RSRC1: variants seen among roughly 807,000 people sequenced by gnomAD.
The protein encoded by RSRC1 is serine/Arginine-related protein 53.
In RSRC1, 39 loss-of-function variants were observed where a neutral mutation model predicts 49.1. The ratio of observed to expected loss-of-function variants is 0.79; its 90% CI spans 0.61 to 1.04. The LOEUF is 1.04. RSRC1 is among the 50% of genes least tolerant of loss of function. The pLI, the probability that RSRC1 is intolerant of heterozygous loss-of-function variation, is 0.00. For missense variants in RSRC1, 388 were observed against 402.4 expected (o/e 0.96, Z 0.31); for synonymous variants, 143 against 130.8 (o/e 1.09, Z -0.63).
chr3:158,358,862 T>A (rs899200182), intron 6 of RSRC1, among the ~76,000 whole-genome samples: 12 of 152,058 alleles, frequency 7.9e-5, no homozygotes, highest in Admixed American at 6.6e-4. Flanking sequence ...TGTGACCTTG[T>A]GTGTCTGGCT....
intron 3 of RSRC1, among the ~76,000 whole-genome samples, chr3:158,193,276 T>C (rs1720348465): frequency 6.6e-6 from 1 of 152,078 alleles, no homozygotes; most frequent in African/African-American, 2.4e-5. Flanking sequence ...AACAGATACA[T>C]TTAGTTTTAA....
intron 4 of RSRC1, among the ~76,000 whole-genome samples, chr3:158,234,689 T>C (rs1723145492): frequency 6.6e-6 from 1 of 152,156 alleles, no homozygotes; most frequent in African/African-American, 2.4e-5. Flanking sequence ...CTTCTCCCTG[T>C]TCCTCTTTTC....
intron 3 of RSRC1, among the ~76,000 whole-genome samples, chr3:158,163,362 T>G (rs1209052314): frequency 1.3e-5 from 2 of 152,150 alleles, no homozygotes; most frequent in Non-Finnish European, 2.9e-5. Flanking sequence ...GAGAATTTAA[T>G]GATTCCCATT....
chr3:158,338,210 CT>C (rs11332968), intron 5 of RSRC1, among the ~76,000 whole-genome samples: 11,053 of 146,796 alleles, frequency 0.075, 1,370 homozygotes, highest in African/African-American at 0.26. Context: ...TATAACTTTG[CT>C]TTTTTTTTTT....
intron 6 of RSRC1, among the ~76,000 whole-genome samples, chr3:158,398,704 A>T (rs903540881): frequency 1.3e-5 from 2 of 152,134 alleles, no homozygotes; most frequent in African/African-American, 4.8e-5. Flanking sequence ...GCTATAATCT[A>T]TAGTAGCTAT....
intron 6 of RSRC1, among the ~76,000 whole-genome samples, chr3:158,413,797 G>T (rs1376963803): frequency 1.3e-5 from 2 of 152,078 alleles, no homozygotes; most frequent in Non-Finnish European, 2.9e-5. Flanking sequence ...ACCATCTCAT[G>T]CCAATCAAAA....
intron 5 of RSRC1, among the ~76,000 whole-genome samples, chr3:158,318,332 T>C (rs1728581685): frequency 6.6e-6 from 1 of 152,192 alleles, no homozygotes; most frequent in African/African-American, 2.4e-5. Flanking sequence ...TATTATGGCG[T>C]TCAGGACCAT....
At chr3:158,264,780 C>T (rs764195129) in intron 4 of RSRC1, among the ~76,000 whole-genome samples, 31 of 152,128 alleles carry the variant, frequency 2.0e-4, no homozygotes, top group Non-Finnish European at 4.3e-4. Context: ...CTAACCATTC[C>T]CCACAACTGA....
chr3:158,488,994 G>T (rs1978781), intron 7 of RSRC1, among the ~76,000 whole-genome samples: 79,119 of 152,018 alleles, frequency 0.52, 21,137 homozygotes, highest in African/African-American at 0.64. Flanking sequence ...TACTGAAGTT[G>T]TGTTGTAATA....
At chr3:158,286,016 T>C (rs981964364) in intron 4 of RSRC1, among the ~76,000 whole-genome samples, 1 of 152,136 alleles carries the variant, frequency 6.6e-6, no homozygotes, top group Non-Finnish European at 1.5e-5. Flanking sequence ...TACTGTGCAC[T>C]ATAAAATTTT....
Position 158,141,144 on chromosome 3 carries a change from G to A in RSRC1, c.320+17153G>A, listed in dbSNP as rs115994313. On this transcript the variant is annotated intron_variant, in intron 3 of 9. Transcript: ENST00000611884. ...AGTCTAAGAATGGACCTTCAGATGA[G>A]GTGTGAATGAATTATAGCCAATAAT... 5.5e-3 allele frequency among the ~76,000 whole-genome samples: 841 copies of A among 152,290 alleles called. 8 individuals are homozygous for A. Among genetic ancestry groups the A allele is most frequent in the African/African-American group, 0.019 (804 of 41,558 alleles).
At chr3:158,285,161 C>T (rs1726441682) in intron 4 of RSRC1, among the ~76,000 whole-genome samples, 1 of 152,140 alleles carries the variant, frequency 6.6e-6, no homozygotes, top group Non-Finnish European at 1.5e-5. Flanking sequence ...ATCCTTTCCC[C>T]ATTGCTTGTT....
At chr3:158,411,008 T>C in intron 6 of RSRC1, among the ~76,000 whole-genome samples, 1 of 152,116 alleles carries the variant, frequency 6.6e-6, no homozygotes, top group Non-Finnish European at 1.5e-5. Context: ...TATGTATTGC[T>C]AAGTACTACA....
chr3:158,129,326 A>G (rs1219824938), intron 3 of RSRC1, among the ~76,000 whole-genome samples: 1 of 105,940 alleles, frequency 9.4e-6, no homozygotes, highest in African/African-American at 3.9e-5. Context: ...CTGAGTCTCT[A>G]TTGCCGAGAC....
chr3:158,301,369 A>G (rs1040596506), intron 5 of RSRC1, among the ~76,000 whole-genome samples: 13 of 152,194 alleles, frequency 8.5e-5, no homozygotes, highest in Admixed American at 4.6e-4. Flanking sequence ...AGCATTCTAC[A>G]GTAAGGAAGA....
intron 7 of RSRC1, among the ~76,000 whole-genome samples, chr3:158,507,037 A>G (rs1243763141): frequency 2.0e-5 from 3 of 152,126 alleles, no homozygotes; most frequent in African/African-American, 7.2e-5. Context: ...GTATATATAC[A>G]CAATGGAATA....
chr3:158,326,925 C>T (rs1372120175), intron 5 of RSRC1, among the ~76,000 whole-genome samples: 5 of 152,098 alleles, frequency 3.3e-5, no homozygotes, highest in Non-Finnish European at 5.9e-5. Flanking sequence ...TTGGTCTATT[C>T]AGGGATTCAA....
At chr3:158,147,532 CA>C (rs1288908560) in intron 3 of RSRC1, among the ~76,000 whole-genome samples, 1 of 148,246 alleles carries the variant, frequency 6.7e-6, no homozygotes, top group African/African-American at 2.5e-5. Context: ...TTTTATTTTT[CA>C]AAAAACCTAA....
intron 6 of RSRC1, among the ~76,000 whole-genome samples, chr3:158,426,372 A>G (rs1399883463): frequency 6.8e-6 from 1 of 146,766 alleles, no homozygotes; most frequent in Non-Finnish European, 1.5e-5. Context: ...AATCAGTAAG[A>G]AAAAAAAAAT....
Sources: allele counts gnomAD v4.1 joint callset (sites outside exome capture counted in the v4.1 genomes callset), GRCh38; gene constraint gnomAD v4.1.1; transcripts MANE v1.5; gene names NCBI Gene and HGNC (gene_info 2026-07-23, HGNC 2026-07-21).